PLEKHG5: variants seen among roughly 807,000 people sequenced by gnomAD.
PLEKHG5 encodes the protein pleckstrin homology domain-containing family G member 5.
In PLEKHG5, 52 loss-of-function variants were observed where a neutral mutation model predicts 103.8. The observed-to-expected ratio is 0.50, with a 90% CI of 0.40 to 0.63. The LOEUF is 0.63. Among genes scored for constraint, PLEKHG5 ranks in the 30% least tolerant of loss-of-function variants. PLEKHG5 has a pLI of 0.00. For synonymous variants in PLEKHG5, 592 were observed against 575.5 expected (o/e 1.03, Z -0.41); for missense variants, 1,205 against 1,347.6 (o/e 0.89, Z 1.66).
chr1:6,498,185 C>G (rs1197266309), upstream of PLEKHG5, among the ~76,000 whole-genome samples: 1 of 152,216 alleles, frequency 6.6e-6, no homozygotes, highest in African/African-American at 2.4e-5. Flanking sequence ...TCTGGACCCC[C>G]AGCCCACCCT....
At chr1:6,497,206 C>A, upstream of PLEKHG5, 2 of 864,320 alleles carry the variant, frequency 2.3e-6, no homozygotes, top group Admixed American at 4.0e-5. The surrounding 1 kb of genome is among the most constrained non-coding windows in gnomAD (Gnocchi z 6.1). Context: ...CGGCCCGAAG[C>A]CCGGTCGGCG....
In PLEKHG5 at chr1:6,491,132, G is replaced by A. The variant is rs893951398; in HGVS notation, c.-88+505C>T. On this transcript the variant is annotated intron_variant, in intron 1 of 20. Coordinates refer to ENST00000377728, the MANE Select transcript of PLEKHG5 (RefSeq NM_020631.6). This position sits in a 1 kb window ranked among gnomAD's most constrained non-coding sequence, Gnocchi z 4.1. ...TGGCCCAGGTGATATGGCCGGAAAAGGGTGCTGTTCTGCCATTTAGTGGTT... is the reference window on the plus strand; with the variant it reads ...TGGCCCAGGTGATATGGCCGGAAAAAGGTGCTGTTCTGCCATTTAGTGGTT... Among the ~76,000 whole-genome samples the A allele has an allele frequency of 6.6e-6, 1 of 151,892 alleles. No homozygotes were observed. The highest frequency in any genetic ancestry group is 6.5e-5 in the Admixed American group (1 of 15,272).
upstream of PLEKHG5, among the ~76,000 whole-genome samples, chr1:6,499,712 G>A (rs756085487): frequency 7.2e-5 from 11 of 152,146 alleles, no homozygotes; most frequent in East Asian, 1.9e-4. Flanking sequence ...TACAGCCTTC[G>A]AGGAAAGGGT....
At chr1:6,472,383 C>T in intron 10 of PLEKHG5, 144 bp downstream of exon 10, 2 of 702,834 alleles carry the variant, frequency 2.8e-6, no homozygotes, top group Non-Finnish European at 5.1e-6. Context: ...GGCACCTCCT[C>T]CCTGGGCGCA....
chr1:6,473,554 G>A, intron 7 of PLEKHG5, 100 bp from the exon 8 acceptor site: 2 of 906,494 alleles, frequency 2.2e-6, no homozygotes, highest in Non-Finnish European at 3.2e-6. Context: ...TGGGATGGAG[G>A]AGGGTCTCTG....
chr1:6,503,656 C>T (rs548756444), intron 1 of PLEKHG5, among the ~76,000 whole-genome samples: 2 of 152,230 alleles, frequency 1.3e-5, no homozygotes, highest in African/African-American at 4.8e-5. Flanking sequence ...GTGATCCACC[C>T]GCCTCGGCCT....
chr1:6,507,878 G>A (rs990737272), intron 1 of PLEKHG5, among the ~76,000 whole-genome samples: 1 of 152,206 alleles, frequency 6.6e-6, no homozygotes, highest in Non-Finnish European at 1.5e-5. Context: ...TCCCTGGCTC[G>A]TGTTCATGTG....
chr1:6,500,405 C>T (rs895791352), upstream of PLEKHG5, among the ~76,000 whole-genome samples: 20 of 152,158 alleles, frequency 1.3e-4, 1 homozygote, highest in South Asian at 1.5e-3. Context: ...CTGCCTGCCC[C>T]GGGCTTCCCT....
chr1:6,511,247 C>A (rs1638463688), intron 1 of PLEKHG5, among the ~76,000 whole-genome samples: 1 of 152,190 alleles, frequency 6.6e-6, no homozygotes, highest in Non-Finnish European at 1.5e-5. Flanking sequence ...AGGCCTCAGC[C>A]TTAGCCCCCA....
intron 1 of PLEKHG5, among the ~76,000 whole-genome samples, chr1:6,510,181 T>A (rs1166497331): frequency 6.6e-6 from 1 of 152,166 alleles, no homozygotes; most frequent in Non-Finnish European, 1.5e-5. Flanking sequence ...CAGAGCCCCA[T>A]TATGTAATCT....
intron 20 of PLEKHG5, 63 bp downstream of exon 20, chr1:6,467,762 C>A: frequency 6.3e-7 from 1 of 1,581,680 alleles, no homozygotes; most frequent in Non-Finnish European, 8.7e-7. Flanking sequence ...TGCTCCCAGG[C>A]ATGAGTGGGC....
chr1:6,500,387 G>A (rs758331971), upstream of PLEKHG5, among the ~76,000 whole-genome samples: 3 of 152,102 alleles, frequency 2.0e-5, no homozygotes, highest in African/African-American at 2.4e-5. Context: ...GCAGGGGGGC[G>A]GCCTCCTCTG....
chr1:6,471,579 A>G lies in PLEKHG5; in HGVS notation c.1190T>C (p.Leu397Pro), dbSNP rs1320247319. 1.2e-6 allele frequency: 2 copies of G among 1,601,522 alleles called. No individual in the cohort carries two copies. The highest frequency in any genetic ancestry group is 1.7e-5 in the Admixed American group (1 of 58,204). Reference sequence around the variant, plus strand: ...CACCGGCGCCATCACGCTAGCCCACAGCCTGCGGTGCAGCTGCGCGATCTC... The same window carrying G: ...CACCGGCGCCATCACGCTAGCCCACGGCCTGCGGTGCAGCTGCGCGATCTC... ...IPEIAQLHRR[L>P]WASVMAPVLE... Residue 397 changes from leucine to proline, a missense_variant, in exon 12 of 21, where the codon CTG becomes CCG. Coordinates refer to ENST00000377728, the MANE Select transcript of PLEKHG5 (RefSeq NM_020631.6).
chr1:6,469,527 G>A lies in PLEKHG5; in HGVS notation c.1933+17C>T, dbSNP rs766391240. ...ATCACAGCCCCTGACCAGGAACAGG[G>A]GACCAGGGCTCCTTACCAGGGTCCC... is the stretch of plus-strand genomic sequence containing the variant. On this transcript the variant is annotated intron_variant, in intron 17 of 20. Coordinates refer to ENST00000377728, the MANE Select transcript of PLEKHG5 (RefSeq NM_020631.6). 4.5e-5 allele frequency: 72 copies of A among 1,613,752 alleles called. No individual in the cohort carries two copies. Among genetic ancestry groups the A allele is most frequent in the Non-Finnish European group, 5.9e-5 (70 of 1,180,054 alleles).
At chr1:6,497,014 C>T (rs911631325), upstream of PLEKHG5, 3 of 1,525,732 alleles carry the variant, frequency 2.0e-6, no homozygotes, top group Non-Finnish European at 2.6e-6. This position sits in a 1 kb window ranked among gnomAD's most constrained non-coding sequence, Gnocchi z 6.1. Context: ...GGGGCGACCC[C>T]CGTTCCCCAA....
chr1:6,479,319 C>T (rs1431645449), intron 1 of PLEKHG5, among the ~76,000 whole-genome samples: 2 of 140,900 alleles, frequency 1.4e-5, no homozygotes, highest in South Asian at 2.2e-4. Flanking sequence ...CGGAGTCTCG[C>T]TCTGTCGCCC....
At chr1:6,480,363 T>C (rs889123494) in intron 1 of PLEKHG5, among the ~76,000 whole-genome samples, 1 of 151,942 alleles carries the variant, frequency 6.6e-6, no homozygotes, top group Non-Finnish European at 1.5e-5. Flanking sequence ...ACCCCGTCTC[T>C]ACTAAAATAC....
chr1:6,513,039 C>T (rs1212454435), intron 1 of PLEKHG5, among the ~76,000 whole-genome samples: 1 of 152,214 alleles, frequency 6.6e-6, no homozygotes, highest in Non-Finnish European at 1.5e-5. Flanking sequence ...CCACTTAGAC[C>T]CTGGGGCCCC....
chr1:6,494,764 T>C (rs1175684796), upstream of PLEKHG5, among the ~76,000 whole-genome samples: 1 of 152,208 alleles, frequency 6.6e-6, no homozygotes, highest in Non-Finnish European at 1.5e-5. Context: ...ATGCCTCTGA[T>C]AATTCAGGCA....
Sources: allele counts gnomAD v4.1 joint callset (sites outside exome capture counted in the v4.1 genomes callset), GRCh38; gene constraint gnomAD v4.1.1; non-coding constraint Gnocchi (gnomAD v3.1); transcripts MANE v1.5; gene names NCBI Gene and HGNC (gene_info 2026-07-23, HGNC 2026-07-21).